VTI1A: variants seen among roughly 807,000 people sequenced by gnomAD.
The protein encoded by VTI1A is vesicle transport through interaction with t-SNAREs homolog 1A.
VTI1A carries 22 observed loss-of-function variants against 34.9 expected under a neutral mutation model. The ratio of observed to expected loss-of-function variants is 0.63; its 90% CI spans 0.45 to 0.90. VTI1A has a LOEUF of 0.90. Ranked by LOEUF, VTI1A falls within the 40% of genes least tolerant of loss-of-function variation. VTI1A has a pLI of 0.00. For synonymous variants in VTI1A, 87 were observed against 97.3 expected (o/e 0.89, Z 0.62); for missense variants, 268 against 275.6 (o/e 0.97, Z 0.20).
At chr10:112,783,810 CG>C (rs1282988352) in intron 7 of VTI1A, among the ~76,000 whole-genome samples, 1 of 152,184 alleles carries the variant, frequency 6.6e-6, no homozygotes, top group African/African-American at 2.4e-5. Flanking sequence ...GGTGCTGAGC[CG>C]ATTCCAGCAT....
At chr10:112,775,870 A>G (rs970761564) in intron 7 of VTI1A, among the ~76,000 whole-genome samples, 2 of 152,238 alleles carry the variant, frequency 1.3e-5, no homozygotes, top group Non-Finnish European at 1.5e-5. Context: ...TGCGATAGTC[A>G]ATCTGTGACT....
At chr10:112,755,626 C>A (rs1025199222) in intron 7 of VTI1A, among the ~76,000 whole-genome samples, 2 of 152,190 alleles carry the variant, frequency 1.3e-5, no homozygotes, top group African/African-American at 4.8e-5. Flanking sequence ...CTTATTTTGC[C>A]TCCAGGCCCT....
chr10:112,774,184 G>A (rs1851893630), intron 7 of VTI1A, among the ~76,000 whole-genome samples: 1 of 152,224 alleles, frequency 6.6e-6, no homozygotes, highest in African/African-American at 2.4e-5. Flanking sequence ...GAGCATTCAG[G>A]TCTGGAGCTG....
At chr10:112,776,862 T>A (rs200792772) in intron 7 of VTI1A, among the ~76,000 whole-genome samples, 2 of 151,800 alleles carry the variant, frequency 1.3e-5, no homozygotes, top group African/African-American at 2.4e-5. Context: ...ATTTTTAGTA[T>A]AGACGGGGTT....
chr10:112,790,841 A>G (rs76518708), intron 7 of VTI1A, among the ~76,000 whole-genome samples: 10,107 of 149,904 alleles, frequency 0.067, 459 homozygotes, highest in African/African-American at 0.13. Context: ...CATAGCTGGA[A>G]GTCCCCTGGT....
intron 7 of VTI1A, among the ~76,000 whole-genome samples, chr10:112,779,697 C>G (rs1032606121): frequency 6.6e-6 from 1 of 152,196 alleles, no homozygotes; most frequent in African/African-American, 2.4e-5. Context: ...CTCCAATCAA[C>G]ATATGTTTTT....
At chr10:112,655,486 G>T (rs567938655) in intron 5 of VTI1A, among the ~76,000 whole-genome samples, 3 of 151,974 alleles carry the variant, frequency 2.0e-5, no homozygotes, top group African/African-American at 7.2e-5. Context: ...ATGTTGGATT[G>T]CATAGCTTGC....
chr10:112,546,204 T>TACAC (rs140142571), intron 5 of VTI1A, among the ~76,000 whole-genome samples: 4,242 of 136,244 alleles, frequency 0.031, 153 homozygotes, highest in South Asian at 0.048. Flanking sequence ...TATATATGCA[T>TACAC]ACACACACAC....
intron 3 of VTI1A, among the ~76,000 whole-genome samples, chr10:112,468,308 T>C (rs1847968047): frequency 6.6e-6 from 1 of 152,228 alleles, no homozygotes; most frequent in South Asian, 2.1e-4. Flanking sequence ...GTAGAAAATA[T>C]TGACATAACT....
intron 7 of VTI1A, among the ~76,000 whole-genome samples, chr10:112,802,585 G>C (rs1299044048): frequency 2.0e-5 from 3 of 152,168 alleles, no homozygotes; most frequent in Admixed American, 2.0e-4. Flanking sequence ...CATCCCTGCT[G>C]CCATGGCTGC....
chr10:112,671,989 G>A (rs1476191813), intron 7 of VTI1A: 2 of 152,118 alleles, frequency 1.3e-5, no homozygotes, highest in African/African-American at 2.4e-5. Flanking sequence ...GTACTTTAGT[G>A]TAGTAGAGGA....
intron 7 of VTI1A, among the ~76,000 whole-genome samples, chr10:112,744,972 A>G (rs1336539939): frequency 6.6e-6 from 1 of 152,226 alleles, no homozygotes; most frequent in Non-Finnish European, 1.5e-5. Flanking sequence ...GTAAGTTATG[A>G]AAGTTAATGA....
intron 7 of VTI1A, among the ~76,000 whole-genome samples, chr10:112,690,672 G>A (rs910065174): frequency 5.3e-5 from 8 of 152,084 alleles, no homozygotes; most frequent in African/African-American, 1.9e-4. Flanking sequence ...CTCTGAATTC[G>A]CTTCTTCATC....
intron 5 of VTI1A, among the ~76,000 whole-genome samples, chr10:112,643,144 C>T (rs1289024979): frequency 4.2e-5 from 6 of 143,250 alleles, no homozygotes; most frequent in South Asian, 2.3e-4. Context: ...GCCACCACAC[C>T]TGGCTAATTT....
chr10:112,501,272 A>G (rs962050970), intron 3 of VTI1A, among the ~76,000 whole-genome samples: 10 of 152,164 alleles, frequency 6.6e-5, no homozygotes, highest in Non-Finnish European at 1.2e-4. Flanking sequence ...ATAAAACTTC[A>G]TGGCTTTATT....
At chr10:112,844,641 C>G in the VTI1A span, among the ~76,000 whole-genome samples, 1 of 152,210 alleles carries the variant, frequency 6.6e-6, no homozygotes, top group African/African-American at 2.4e-5. Context: ...TCAGGTGATC[C>G]ACGCATCTCA....
At chr10:112,789,783 G>A (rs890387846) in intron 7 of VTI1A, among the ~76,000 whole-genome samples, 2 of 152,060 alleles carry the variant, frequency 1.3e-5, no homozygotes, top group South Asian at 2.1e-4. Context: ...TTGAGGCATT[G>A]TCATCATAAT....
At chr10:112,776,876 C>G (rs573764807) in intron 7 of VTI1A, among the ~76,000 whole-genome samples, 1 of 151,952 alleles carries the variant, frequency 6.6e-6, no homozygotes, top group African/African-American at 2.4e-5. Flanking sequence ...CGGGGTTTCA[C>G]CATGTTGGCC....
chr10:112,675,091 T>C (rs1433415789), intron 7 of VTI1A, among the ~76,000 whole-genome samples: 1 of 152,168 alleles, frequency 6.6e-6, no homozygotes, highest in Non-Finnish European at 1.5e-5. Flanking sequence ...CACTGTCCCA[T>C]GCCCCCCTCT....
Sources: gnomAD v4.1 joint callset for allele counts (sites outside exome capture counted in the v4.1 genomes callset) on GRCh38, gnomAD v4.1.1 for gene constraint, MANE v1.5 for transcripts, NCBI Gene and HGNC (gene_info 2026-07-23, HGNC 2026-07-21) for gene names.